The following NAALAD2 variants were observed in gnomAD, a reference collection of about 807,000 sequenced individuals.
The protein encoded by NAALAD2 is N-acetylated-alpha-linked acidic dipeptidase 2.
In NAALAD2, 89 loss-of-function variants were observed where a neutral mutation model predicts 95.6. The ratio of observed to expected loss-of-function variants is 0.93; its 90% confidence interval spans 0.78 to 1.11. NAALAD2 has a LOEUF of 1.11. Among genes scored for constraint, NAALAD2 ranks in the 50% least tolerant of loss-of-function variants. The pLI, the probability that NAALAD2 is intolerant of heterozygous loss-of-function variation, is 0.00. For synonymous variants in NAALAD2, 264 were observed against 294.4 expected, an observed-to-expected ratio of 0.90 and a Z score of 1.06; for missense variants, 894 against 872.4, an observed-to-expected ratio of 1.02 and a Z score of -0.31.
chr11:90,170,017 G>A (rs1952586325), intron 12 of NAALAD2, 52 bp from the exon 13 acceptor site: 2 of 1,044,086 alleles, frequency 1.9e-6, no homozygotes, highest in Non-Finnish European at 3.0e-6. Context: ...TAAACAAATG[G>A]AATTTCATTT....
chr11:90,168,880 T>G lies in NAALAD2; in HGVS notation c.1279-49T>G, dbSNP rs1952553497. On this transcript the variant is annotated intron_variant, in intron 11 of 18. Transcript: ENST00000534061. ...TTAATTTGCTTATTTTGTTTACATT[T>G]TCACAACTAAGTAATGTGAATTAAG... 3.5e-6 allele frequency: 5 copies of G among 1,444,924 alleles called. No individual in the cohort carries two copies. In the East Asian group the frequency reaches 1.2e-4, roughly 34 times the overall value. 89.5% of individuals were successfully genotyped at this position (1,444,924 alleles called of 1,614,324 possible).
At chr11:90,182,826 T>C in intron 17 of NAALAD2, 90 bp from the exon 18 acceptor site, 2 of 877,802 alleles carry the variant, frequency 2.3e-6, no homozygotes, top group Non-Finnish European at 3.6e-6. Flanking sequence ...TTTAGAAATA[T>C]ATTTTCCCAA....
intron 4 of NAALAD2, among the ~76,000 whole-genome samples, chr11:90,150,218 G>A (rs1021402587): frequency 6.9e-6 from 1 of 144,340 alleles, no homozygotes; most frequent in Non-Finnish European, 1.5e-5. Context: ...GAGTGCTACT[G>A]CACTCCAGCC....
At chr11:90,143,779 A>C (rs1265689777) in intron 2 of NAALAD2, among the ~76,000 whole-genome samples, 1 of 152,166 alleles carries the variant, frequency 6.6e-6, no homozygotes, top group Admixed American at 6.5e-5. Flanking sequence ...TGATGGATTT[A>C]TCAGGGTATT....
intron 2 of NAALAD2, among the ~76,000 whole-genome samples, chr11:90,144,393 A>G (rs929302661): frequency 6.6e-6 from 1 of 152,162 alleles, no homozygotes; most frequent in Non-Finnish European, 1.5e-5. Flanking sequence ...ATATGGGATC[A>G]TGGAAAATAA....
chr11:90,184,741 A>G (rs1857075841), intron 18 of NAALAD2, among the ~76,000 whole-genome samples: 1 of 151,966 alleles, frequency 6.6e-6, no homozygotes, highest in Non-Finnish European at 1.5e-5. Context: ...AGTGAAACTC[A>G]ATGTTGAGTT....
intron 6 of NAALAD2, among the ~76,000 whole-genome samples, chr11:90,154,823 ATGTAATG>A (rs1195736370): frequency 6.9e-6 from 1 of 145,964 alleles, no homozygotes; most frequent in African/African-American, 2.5e-5. Context: ...TATATGTAAT[ATGTAATG>A]TTACATAGTA....
At chr11:90,133,246 A>G (rs1176886901), upstream of NAALAD2, among the ~76,000 whole-genome samples, 1 of 152,188 alleles carries the variant, frequency 6.6e-6, no homozygotes, top group East Asian at 1.9e-4. Context: ...TGAAAAAACT[A>G]CTTTTGGTTA....
At chr11:90,145,722 T>C (rs1951735662) in intron 2 of NAALAD2, among the ~76,000 whole-genome samples, 1 of 152,122 alleles carries the variant, frequency 6.6e-6, no homozygotes, top group Non-Finnish European at 1.5e-5. Context: ...GAAGTGGTGA[T>C]AGAGGGAGAT....
chr11:90,134,704 C>T lies in NAALAD2; in HGVS notation c.-55C>T, dbSNP rs1892887. ...TGCCAGCGCGCTCTCTGTTTCTCTGCAGCCCCGAAGCTCGCGAATGTAGCA... is the reference window on the plus strand; with the variant it reads ...TGCCAGCGCGCTCTCTGTTTCTCTGTAGCCCCGAAGCTCGCGAATGTAGCA... On this transcript the variant is annotated 5_prime_UTR_variant, in exon 1 of 19. Transcript: ENST00000534061. 0.38 allele frequency: 599,508 copies of T among 1,568,550 alleles called. 119,655 individuals carry two copies. Among genetic ancestry groups the T allele is most frequent in the African/African-American group, 0.62 (45,681 of 73,990 alleles).
chr11:90,178,200 G>T, intron 16 of NAALAD2, 83 bp downstream of exon 16: 2 of 1,396,748 alleles, frequency 1.4e-6, no homozygotes. Context: ...AATGCATATT[G>T]TTTCATCCTA....
At chr11:90,168,807 C>A in intron 11 of NAALAD2, 122 bp from the exon 12 acceptor site, 1 of 732,274 alleles carries the variant, frequency 1.4e-6, no homozygotes, top group East Asian at 2.7e-5. Flanking sequence ...ACAGATGGAC[C>A]TAGCTATTTA....
At chr11:90,154,077 TTCTC>T (rs1296560815) in intron 6 of NAALAD2, among the ~76,000 whole-genome samples, 1 of 149,218 alleles carries the variant, frequency 6.7e-6, no homozygotes, top group Non-Finnish European at 1.5e-5. Flanking sequence ...CTTTCTTTCT[TTCTC>T]TCTTTCTTCT....
intron 15 of NAALAD2, 83 bp downstream of exon 15, chr11:90,176,145 G>GGTGTCTGGTGCCA: frequency 5.9e-6 from 6 of 1,013,890 alleles, no homozygotes; most frequent in Non-Finnish European, 7.5e-6. Flanking sequence ...TTTGGCACCA[G>GGTGTCTGGTGCCA]ACACCTGGTG....
chr11:90,133,438 G>A (rs1400569496), upstream of NAALAD2, among the ~76,000 whole-genome samples: 1 of 151,980 alleles, frequency 6.6e-6, no homozygotes, highest in East Asian at 1.9e-4. Flanking sequence ...TCAATGGAAA[G>A]CTTCCCCTTC....
chr11:90,185,963 C>T lies in NAALAD2; in HGVS notation c.2033+2955C>T, dbSNP rs1043346395. Among the ~76,000 whole-genome samples the T allele has an allele frequency of 5.3e-5, 8 of 151,108 alleles. No individual in the cohort carries two copies. The East Asian group carries it at 1.6e-3, about 29-fold the overall frequency. On this transcript the variant is annotated intron_variant, in intron 18 of 18. Transcript: ENST00000534061. ...TTTCTGGCTCATTGGCTTTTGATCA[C>T]ATCTCATGACTTTTTGAGTCCATGA...
chr11:90,162,454 T>C (rs1952323351), intron 8 of NAALAD2: 1 of 152,088 alleles, frequency 6.6e-6, no homozygotes, highest in African/African-American at 2.4e-5. Context: ...AACTTACATA[T>C]CATTTCCATA....
Position 90,176,168 on chromosome 11 carries a change from G to A in NAALAD2, c.1593+106G>A, listed in dbSNP as rs116221102. On this transcript the variant is annotated intron_variant, in intron 15 of 18. Coordinates refer to ENST00000534061, the MANE Select transcript of NAALAD2 (RefSeq NM_005467.4). ...CAGACACCTGGTGGATGTGGCCTGG[G>A]AAGAGTTCCCAGGGATAGAGATAGA... 91 of 767,662 alleles carry A rather than the reference G, an allele frequency of 1.2e-4. No homozygotes were observed. In the African/African-American group the frequency reaches 1.5e-3, roughly 13 times the overall value. The allele number at this position is 767,662 out of a possible 1,614,324, so 47.6% of individuals were successfully genotyped here.
At chr11:90,188,139 G>A (rs888596687) in intron 18 of NAALAD2, among the ~76,000 whole-genome samples, 1 of 152,124 alleles carries the variant, frequency 6.6e-6, no homozygotes, top group African/African-American at 2.4e-5. Flanking sequence ...TTGGTGATCG[G>A]CACAAGAGTA....
Sources: allele counts gnomAD v4.1 joint callset (sites outside exome capture counted in the v4.1 genomes callset), GRCh38; gene constraint gnomAD v4.1.1; transcripts MANE v1.5; gene names NCBI Gene and HGNC (gene_info 2026-07-23, HGNC 2026-07-21).